ADGRL3: variants seen among roughly 807,000 people sequenced by gnomAD.
ADGRL3 encodes adhesion G protein-coupled receptor L3, also known as calcium-independent alpha-latrotoxin receptor 3.
In ADGRL3, 62 loss-of-function variants were observed where a neutral mutation model predicts 153.5. The ratio of observed to expected loss-of-function variants is 0.40; its 90% CI spans 0.33 to 0.50. ADGRL3 has a LOEUF of 0.50. ADGRL3 is among the 20% of genes least tolerant of loss of function. The pLI is 0.47. For missense variants in ADGRL3, 1,641 were observed against 1,859.4 expected, an observed-to-expected ratio of 0.88 and a Z score of 2.16; for synonymous variants, 710 against 672.5, an observed-to-expected ratio of 1.06 and a Z score of -0.86.
intron 23 of ADGRL3, among the ~76,000 whole-genome samples, chr4:62,036,455 A>G (rs1325644808): frequency 6.6e-6 from 1 of 152,056 alleles, no homozygotes; most frequent in African/African-American, 2.4e-5. Context: ...TTCTTATCAC[A>G]TAATAAGCAC....
chr4:61,636,513 CT>C (rs2093430038), intron 5 of ADGRL3, among the ~76,000 whole-genome samples: 1 of 151,922 alleles, frequency 6.6e-6, no homozygotes, highest in Non-Finnish European at 1.5e-5. Context: ...ACCAAAATAT[CT>C]TTTAAAAAGA....
chr4:61,308,425 C>T (rs1046115338), intron 1 of ADGRL3, among the ~76,000 whole-genome samples: 2 of 152,144 alleles, frequency 1.3e-5, no homozygotes, highest in African/African-American at 4.8e-5. Context: ...TTTTGTCATA[C>T]ACTTGAGGTT....
chr4:61,839,155 A>G (rs775871242), intron 9 of ADGRL3, among the ~76,000 whole-genome samples: 8 of 152,024 alleles, frequency 5.3e-5, no homozygotes, highest in Non-Finnish European at 7.4e-5. Flanking sequence ...ACTTTTTTAT[A>G]TAACTGTGAA....
At chr4:61,236,823 A>T (rs1394956) in intron 1 of ADGRL3, among the ~76,000 whole-genome samples, 26 of 151,988 alleles carry the variant, frequency 1.7e-4, no homozygotes, top group Middle Eastern at 3.4e-3. Context: ...AGTTTTCTCC[A>T]CGTGGTATAT....
chr4:61,723,716 G>A (rs752706074), intron 6 of ADGRL3, among the ~76,000 whole-genome samples: 8 of 152,110 alleles, frequency 5.3e-5, no homozygotes, highest in Non-Finnish European at 7.4e-5. Flanking sequence ...GGAGGGAACC[G>A]CCATGTTGGG....
At chr4:61,237,666 T>C (rs1162764445) in intron 1 of ADGRL3, among the ~76,000 whole-genome samples, 2 of 152,212 alleles carry the variant, frequency 1.3e-5, no homozygotes, top group African/African-American at 4.8e-5. Flanking sequence ...ATTAATACAA[T>C]TGAGCTTCTT....
intron 8 of ADGRL3, among the ~76,000 whole-genome samples, chr4:61,770,049 C>T (rs2152298464): frequency 6.6e-6 from 1 of 152,230 alleles, no homozygotes; most frequent in South Asian, 2.1e-4. Context: ...ATATACATAG[C>T]CATACAGACA....
intron 2 of ADGRL3, among the ~76,000 whole-genome samples, chr4:61,455,639 T>C (rs1028756148): frequency 2.0e-5 from 3 of 152,048 alleles, no homozygotes; most frequent in African/African-American, 7.2e-5. Context: ...TGAACTCTGC[T>C]ATTCTATTTC....
intron 1 of ADGRL3, among the ~76,000 whole-genome samples, chr4:61,334,324 C>T (rs1417200833): frequency 1.3e-5 from 2 of 152,138 alleles, no homozygotes; most frequent in Non-Finnish European, 2.9e-5. Flanking sequence ...AGGATCTACC[C>T]TGGCAACTTT....
rs74386973 is a variant in ADGRL3 at position 61,673,320 on chromosome 4, A to G, written c.474-3506A>G. On this transcript the variant is annotated intron_variant, in intron 5 of 26. Coordinates refer to ENST00000683033, the MANE Select transcript of ADGRL3 (RefSeq NM_001387552.1). ...TTATATACTTTTACAACACAGTAAAAGATAACTGTAAGATGATGAATATGT... is the reference window on the plus strand; with the variant it reads ...TTATATACTTTTACAACACAGTAAAGGATAACTGTAAGATGATGAATATGT... Among the ~76,000 whole-genome samples, 132 of 152,048 alleles carry G rather than the reference A, an allele frequency of 8.7e-4. 2 individuals carry two copies. The highest frequency in any genetic ancestry group is 3.1e-3 in the African/African-American group (129 of 41,554).
chr4:61,882,513 A>T (rs1443871266), intron 9 of ADGRL3, among the ~76,000 whole-genome samples: 1 of 152,154 alleles, frequency 6.6e-6, no homozygotes, highest in East Asian at 1.9e-4. Flanking sequence ...GTTGTATGAC[A>T]TCATTTCTTT....
At chr4:61,992,268 C>T (rs1001866585) in intron 19 of ADGRL3, among the ~76,000 whole-genome samples, 4 of 152,252 alleles carry the variant, frequency 2.6e-5, no homozygotes, top group Non-Finnish European at 4.4e-5. Flanking sequence ...CTAGCTTTGT[C>T]TCACCTTAAC....
intron 2 of ADGRL3, among the ~76,000 whole-genome samples, chr4:61,472,489 G>A (rs544945454): frequency 3.9e-5 from 6 of 152,114 alleles, no homozygotes; most frequent in Admixed American, 3.3e-4. Flanking sequence ...ATGGCAGCTG[G>A]CCTCTCCCAG....
At chr4:61,461,614 C>T (rs2097820203) in intron 2 of ADGRL3, among the ~76,000 whole-genome samples, 1 of 152,064 alleles carries the variant, frequency 6.6e-6, no homozygotes, top group Non-Finnish European at 1.5e-5. Context: ...TGTGTATTTA[C>T]TAACAAAATG....
At chr4:61,505,497 G>A (rs941182757) in intron 3 of ADGRL3, among the ~76,000 whole-genome samples, 6 of 152,012 alleles carry the variant, frequency 3.9e-5, no homozygotes, top group African/African-American at 1.4e-4. Context: ...AATTCATTGA[G>A]TTCTATTAGT....
chr4:61,686,771 A>G (rs865782045), intron 6 of ADGRL3, among the ~76,000 whole-genome samples: 8 of 152,138 alleles, frequency 5.3e-5, no homozygotes, highest in Admixed American at 2.6e-4. Flanking sequence ...GTAACTTTTT[A>G]CTTGTTGACA....
chr4:61,583,142 A>G (rs535437333), intron 4 of ADGRL3, among the ~76,000 whole-genome samples: 2 of 152,150 alleles, frequency 1.3e-5, no homozygotes, highest in East Asian at 3.9e-4. Flanking sequence ...TTTGTCCCAT[A>G]ATTTCATGTC....
At chr4:61,727,435 C>T (rs1223018654) in intron 6 of ADGRL3, among the ~76,000 whole-genome samples, 2 of 152,008 alleles carry the variant, frequency 1.3e-5, no homozygotes, top group Admixed American at 6.6e-5. Flanking sequence ...GTTTCAAAAA[C>T]GTTTGGAAAT....
intron 4 of ADGRL3, among the ~76,000 whole-genome samples, chr4:61,548,783 T>G (rs1414984504): frequency 1.3e-5 from 2 of 152,080 alleles, no homozygotes; most frequent in Non-Finnish European, 2.9e-5. Flanking sequence ...TCATATGAAT[T>G]TAGGATTGCC....
Sources: gnomAD v4.1 joint callset for allele counts (sites outside exome capture counted in the v4.1 genomes callset) on GRCh38, gnomAD v4.1.1 for gene constraint, MANE v1.5 for transcripts, NCBI Gene and HGNC (gene_info 2026-07-23, HGNC 2026-07-21) for gene names.